ASXL2: variants seen among roughly 807,000 people sequenced by gnomAD.
ASXL2 encodes the protein ASXL transcriptional regulator 2.
A neutral mutation model predicts 122.0 loss-of-function variants in ASXL2; 23 were observed. The ratio of observed to expected loss-of-function variants is 0.19; its 90% CI spans 0.14 to 0.27. The LOEUF (loss-of-function observed/expected upper bound fraction) is 0.27. ASXL2 is among the 10% of genes least tolerant of loss of function. ASXL2 has a pLI of 1.00. For synonymous variants in ASXL2, 650 were observed against 637.0 expected (o/e 1.02, Z -0.31); for missense variants, 1,518 against 1,713.8 (o/e 0.89, Z 2.02).
chr2:25,805,298 A>G (rs1270743764), intron 4 of ASXL2, among the ~76,000 whole-genome samples: 2 of 152,344 alleles, frequency 1.3e-5, no homozygotes, highest in East Asian at 3.9e-4. Flanking sequence ...AATGCTCCAA[A>G]GAAACAATTA....
chr2:25,846,399 A>C (rs1435739396), intron 1 of ASXL2, among the ~76,000 whole-genome samples: 1 of 152,148 alleles, frequency 6.6e-6, no homozygotes, highest in Non-Finnish European at 1.5e-5. Flanking sequence ...TAATCTCGGC[A>C]CTTTGGAAGG....
rs2149140934 is a variant in ASXL2, at chr2:25,750,179, T to C, written c.1377A>G (p.Thr459=). 1 of 1,614,006 alleles carries C rather than the reference T, an allele frequency of 6.2e-7. No homozygotes were observed. Among genetic ancestry groups the C allele is most frequent in the South Asian group, 1.1e-5 (1 of 91,090 alleles). Residue 459 remains threonine, a synonymous_variant, in exon 12 of 13, where the codon ACA becomes ACG. Transcript: ENST00000435504. ...SQGEVQPNFS[T]SSEPLLSSAL... The stretch of plus-strand genomic sequence containing the variant: ...CTGAGGAAAGCAGGGGCTCTGAAGA[T>C]GTGGAGAAGTTCGGCTGCACTTCAC...
intron 3 of ASXL2, among the ~76,000 whole-genome samples, chr2:25,812,415 G>A (rs111288893): frequency 6.4e-4 from 98 of 152,144 alleles, no homozygotes; most frequent in African/African-American, 2.1e-3. Context: ...AGCCGAGACC[G>A]CGCCATTGCA....
At chr2:25,820,831 T>A (rs2089299149) in intron 3 of ASXL2, among the ~76,000 whole-genome samples, 1 of 152,098 alleles carries the variant, frequency 6.6e-6, no homozygotes, top group African/African-American at 2.4e-5. Context: ...GAGACCAGCC[T>A]GGGAAACATA....
Position 25,771,543 on chromosome 2 carries a change from A to T in ASXL2, c.404-3T>A, listed in dbSNP as rs544188584. 1.2e-6 allele frequency: 2 copies of T among 1,605,480 alleles called. No homozygotes were observed. The highest frequency in any genetic ancestry group is 2.7e-5 in the African/African-American group (2 of 74,454). ...TGACTGCGGGGAGGACGACGATACTAGGGAAAAAAAAGTGACAATAAAAGA... is the reference window on the plus strand; with the variant it reads ...TGACTGCGGGGAGGACGACGATACTTGGGAAAAAAAAGTGACAATAAAAGA... On this transcript the variant is annotated splice_polypyrimidine_tract_variant and splice_region_variant and intron_variant, in intron 5 of 12. Coordinates refer to ENST00000435504, the MANE Select transcript of ASXL2 (RefSeq NM_018263.6).
At chr2:25,853,814 C>A (rs778577988) in intron 1 of ASXL2, among the ~76,000 whole-genome samples, 2 of 151,792 alleles carry the variant, frequency 1.3e-5, no homozygotes, top group Non-Finnish European at 2.9e-5. Context: ...CAGCCTTATT[C>A]ATCTAGTATT....
rs1341343888 is a variant in ASXL2, at chr2:25,744,059, G to A, written c.2278C>T (p.Pro760Ser). 6.2e-7 allele frequency: 1 copy of A among 1,613,970 alleles called. No individual in the cohort carries two copies. The highest frequency in any genetic ancestry group is 1.1e-5 in the South Asian group (1 of 91,080). The change falls in exon 13 of 13, where the codon CCA (proline) becomes TCA (serine). Residue 760 changes from proline to serine, a missense_variant. Coordinates refer to ENST00000435504, the MANE Select transcript of ASXL2 (RefSeq NM_018263.6). The surrounding 1 kb of genome is among the most constrained non-coding windows in gnomAD (Gnocchi z 4.7). ...ACACTATGAGGCTGTGCCTGGCTTGGGGTGGTCTTGGTCTCAGACTGGGGC... is the reference window on the plus strand; with the variant it reads ...ACACTATGAGGCTGTGCCTGGCTTGAGGTGGTCTTGGTCTCAGACTGGGGC... Reference protein sequence around the residue: ...TQPQSETKTTPSQAQPHSVSG... With the variant: ...TQPQSETKTTSSQAQPHSVSG...
At position 25,768,745 on chromosome 2, in the gene ASXL2, G is replaced by A. The variant is rs1222949132; in HGVS notation, c.628C>T (p.Pro210Ser). 1 of 1,612,608 alleles carries A rather than the reference G, an allele frequency of 6.2e-7. No homozygotes were observed. Among genetic ancestry groups the A allele is most frequent in the Non-Finnish European group, 8.5e-7 (1 of 1,179,286 alleles). The change falls in exon 7 of 13, where the codon CCT becomes TCT. Residue 210 changes from proline to serine, a missense_variant. Coordinates refer to ENST00000435504, the MANE Select transcript of ASXL2 (RefSeq NM_018263.6). ...KAASDSVPAK[P>S]ATWEGKQSDG... is the part of the protein sequence containing the mutation. ...AAAAACTGCCCAAACTGCCTACCAG[G>A]TTTGGCAGGTACAGAGTCACTGGCT...
Position 25,738,199 on chromosome 2 carries a change from A to G in ASXL2, c.*3830T>C, listed in dbSNP as rs992765694. 2 of 152,158 alleles carry G rather than the reference A, an allele frequency of 1.3e-5. No homozygotes were observed. Among genetic ancestry groups the G allele is most frequent in the African/African-American group, 4.8e-5 (2 of 41,428 alleles). The allele number at this position is 152,158 out of a possible 1,614,324, so 9.4% of individuals were successfully genotyped here. A position where few individuals can be genotyped will look rare whatever the true frequency, so the allele number is the denominator to read the frequency against. ...TATTAAAATATATATTACTTAAAATATATTACTGGAAAGCTATTTTTAAAA... is the reference window on the plus strand; with the variant it reads ...TATTAAAATATATATTACTTAAAATGTATTACTGGAAAGCTATTTTTAAAA... On this transcript the variant is annotated 3_prime_UTR_variant, in exon 13 of 13. Coordinates refer to ENST00000435504, the MANE Select transcript of ASXL2 (RefSeq NM_018263.6).
rs369728752 is a variant in ASXL2, at chr2:25,744,151, A to T, written c.2186T>A (p.Leu729Gln). 3.7e-6 allele frequency: 6 copies of T among 1,613,796 alleles called. No individual in the cohort carries two copies. The highest frequency in any genetic ancestry group is 5.1e-6 in the Non-Finnish European group (6 of 1,179,868). Residue 729 changes from leucine to glutamine, a missense_variant, in exon 13 of 13, where the codon CTG becomes CAG. By Grantham distance (113) the Leu-to-Gln change is moderately radical (BLOSUM62 -2). This residue lies in a region of ASXL2 where 831 missense variants were observed against 833.1 expected (regional missense o/e 1.00). Transcript: ENST00000435504. This position sits in a 1 kb window ranked among gnomAD's most constrained non-coding sequence, Gnocchi z 4.7. ...CCTGCTTCCAGTTCCTGCCAGTTCC[A>T]GTGTGGGGCCCTTTCCAGTTTCACT... ...RVSETGKGPTLELAGTGSRGG... is the reference protein window; with the variant it reads ...RVSETGKGPTQELAGTGSRGG...
chr2:25,780,859 G>C (rs892916748), intron 5 of ASXL2, among the ~76,000 whole-genome samples: 12 of 151,298 alleles, frequency 7.9e-5, no homozygotes, highest in Non-Finnish European at 1.6e-4. Context: ...AGGCCGAGGT[G>C]GGCGGATCAC....
At chr2:25,874,806 A>G (rs1191887713) in intron 1 of ASXL2, among the ~76,000 whole-genome samples, 2 of 152,190 alleles carry the variant, frequency 1.3e-5, no homozygotes, top group African/African-American at 4.8e-5. Flanking sequence ...GCAGCTGAGT[A>G]TAGTGGACCA....
At chr2:25,837,023 G>A (rs2089519022) in intron 2 of ASXL2, among the ~76,000 whole-genome samples, 1 of 131,814 alleles carries the variant, frequency 7.6e-6, no homozygotes, top group Non-Finnish European at 1.5e-5. Context: ...GCTGATAGAA[G>A]AGTCAAGATA....
chr2:25,745,766 C>T (rs1410996283), intron 12 of ASXL2, among the ~76,000 whole-genome samples: 2 of 151,028 alleles, frequency 1.3e-5, no homozygotes, highest in East Asian at 3.9e-4. Context: ...GGCTCAGCCT[C>T]CCGAGTAGCT....
chr2:25,877,097 AC>A (rs1378110270), intron 1 of ASXL2, among the ~76,000 whole-genome samples: 1 of 152,082 alleles, frequency 6.6e-6, no homozygotes, highest in African/African-American at 2.4e-5. Flanking sequence ...TATTTAAAAA[AC>A]TCATTAAAAA....
chr2:25,787,028 T>G (rs773824042), intron 5 of ASXL2, among the ~76,000 whole-genome samples: 48 of 152,032 alleles, frequency 3.2e-4, no homozygotes, highest in Non-Finnish European at 6.5e-4. Context: ...AATTACATAT[T>G]TGTATAAGTA....
At chr2:25,864,290 T>A (rs775744797) in intron 1 of ASXL2, among the ~76,000 whole-genome samples, 1 of 152,064 alleles carries the variant, frequency 6.6e-6, no homozygotes, top group Non-Finnish European at 1.5e-5. Context: ...AGCAAAAAAC[T>A]AAGAAAGAAA....
rs146482631 is a variant in ASXL2 at position 25,745,140 on chromosome 2, C to T, written c.1861-664G>A. 1.8e-4 allele frequency among the ~76,000 whole-genome samples: 28 copies of T among 151,990 alleles called. No individual in the cohort carries two copies. The East Asian group carries it at 4.0e-3, about 22-fold the overall frequency. ...CTCTGGCTGGTATTATATTTACTTG[C>T]GCAATTTTAAAATATATATGCTCTG... On this transcript the variant is annotated intron_variant, in intron 12 of 12. Transcript: ENST00000435504.
rs774517028 is a variant in ASXL2 at position 25,742,949 on chromosome 2, T to A, written c.3388A>T (p.Thr1130Ser). 1.9e-6 allele frequency: 3 copies of A among 1,613,940 alleles called. No homozygotes were observed. In the East Asian group the frequency reaches 6.7e-5, roughly 36 times the overall value. The change falls in exon 13 of 13, where the codon ACC becomes TCC. Residue 1130 changes from threonine to serine, a missense_variant. By Grantham distance (58) the Thr-to-Ser change is moderately conservative. Around this residue, in one of 8 missense-constraint regions of ASXL2, gnomAD observed 831 missense variants for 833.1 expected, o/e 1.00. Transcript: ENST00000435504. ...AAGCTCTCTGAGCCCCGGCCGTAGG[T>A]AGAAATATTCAGTAAGTAGTGCCCT... ...MAGHYLLNIS[T>S]YGRGSESFRR... is the part of the protein sequence containing the mutation.
Sources: allele counts gnomAD v4.1 joint callset (sites outside exome capture counted in the v4.1 genomes callset), GRCh38; gene constraint gnomAD v4.1.1; regional missense constraint gnomAD v4.1.1; non-coding constraint Gnocchi (gnomAD v3.1); transcripts MANE v1.5; gene names NCBI Gene and HGNC (gene_info 2026-07-23, HGNC 2026-07-21).